The following TPD52 variants were observed in gnomAD, a reference collection of about 807,000 sequenced individuals.
TPD52 encodes prostate and colon associated protein.
Under a neutral mutation model 31.3 loss-of-function variants are expected in TPD52, and 17 were observed. The observed-to-expected ratio is 0.54, with a 90% confidence interval of 0.37 to 0.82. The LOEUF is 0.82. Among genes scored for constraint, TPD52 ranks in the 40% least tolerant of loss-of-function variants. The pLI is 0.00. For missense variants in TPD52, 212 were observed against 240.1 expected, an observed-to-expected ratio of 0.88 and a Z score of 0.77; for synonymous variants, 83 against 89.6, an observed-to-expected ratio of 0.93 and a Z score of 0.42.
intron 1 of TPD52, among the ~76,000 whole-genome samples, chr8:80,128,884 T>A (rs904585192): frequency 2.3e-4 from 35 of 149,298 alleles, no homozygotes; most frequent in African/African-American, 6.6e-4. Flanking sequence ...TACATCTGGG[T>A]TTTTTTTTTC....
At position 80,089,943 on chromosome 8, in the gene TPD52, T is replaced by G. The variant is rs116125509; in HGVS notation, c.20-25350A>C. 5.6e-3 allele frequency among the ~76,000 whole-genome samples: 845 copies of G among 152,138 alleles called. 5 individuals are homozygous for G. The highest frequency in any genetic ancestry group is 0.019 in the African/African-American group (801 of 41,488). On this transcript the variant is annotated intron_variant, in intron 1 of 7. Transcript: ENST00000518937. ...AAGGGAGGAGAGAAACTGGATAAGA[T>G]CAAATGCTAAAGAGACGCAAGAAGA...
intron 1 of TPD52, among the ~76,000 whole-genome samples, chr8:80,086,906 A>AAAATC (rs1815843865): frequency 7.2e-6 from 1 of 139,260 alleles, no homozygotes; most frequent in African/African-American, 2.8e-5. Flanking sequence ...AAAAAAAAAA[A>AAAATC]AAATCAAATT....
At chr8:80,108,302 C>A (rs6989271) in intron 1 of TPD52, among the ~76,000 whole-genome samples, 98,887 of 152,058 alleles carry the variant, frequency 0.65, 33,824 homozygotes, top group African/African-American at 0.87. Context: ...GAAGGAGTGA[C>A]TTAAATATAA....
intron 1 of TPD52, among the ~76,000 whole-genome samples, chr8:80,155,000 T>TG (rs1043863102): frequency 1.4e-4 from 17 of 119,464 alleles, no homozygotes; most frequent in African/African-American, 5.2e-4. Flanking sequence ...TTTGGTTTTT[T>TG]GTTTTTTTTT....
chr8:80,164,078 G>T (rs576178868), intron 1 of TPD52, among the ~76,000 whole-genome samples: 4 of 151,100 alleles, frequency 2.6e-5, no homozygotes, highest in East Asian at 3.9e-4. Context: ...AAGGGGAAAG[G>T]GGGGAGGAGA....
intron 1 of TPD52, among the ~76,000 whole-genome samples, chr8:80,088,594 AG>A (rs1216619716): frequency 6.6e-6 from 1 of 152,100 alleles, no homozygotes; most frequent in Non-Finnish European, 1.5e-5. Flanking sequence ...TGGACTGCCG[AG>A]GGGAGAGGGA....
chr8:80,063,401 G>A (rs1563586239), intron 2 of TPD52, among the ~76,000 whole-genome samples: 2 of 152,252 alleles, frequency 1.3e-5, no homozygotes. Flanking sequence ...AAGGAGGGGA[G>A]TAGTCAGGAT....
chr8:80,053,205 T>G, intron 3 of TPD52, 77 bp downstream of exon 3: 2 of 1,488,696 alleles, frequency 1.3e-6, no homozygotes, highest in Non-Finnish European at 9.0e-7. Context: ...TATCCTCTTT[T>G]TCTTCCCCTC....
intron 1 of TPD52, among the ~76,000 whole-genome samples, chr8:80,122,020 A>T (rs1055253053): frequency 1.1e-5 from 1 of 93,322 alleles, no homozygotes; most frequent in African/African-American, 5.8e-5. Context: ...TACACCTTCA[A>T]AAGAAAAAAA....
At chr8:80,091,627 T>A (rs77670834) in intron 1 of TPD52, among the ~76,000 whole-genome samples, 22,739 of 152,254 alleles carry the variant, frequency 0.15, 1,826 homozygotes, top group South Asian at 0.28. Flanking sequence ...AATAGACAGA[T>A]TTTTTCATTT....
intron 1 of TPD52, among the ~76,000 whole-genome samples, chr8:80,074,279 A>G (rs1814262758): frequency 6.6e-6 from 1 of 152,226 alleles, no homozygotes; most frequent in Non-Finnish European, 1.5e-5. Context: ...AAGAGATTTA[A>G]ACATATAATT....
At chr8:80,095,713 A>T (rs1223233234) in intron 1 of TPD52, among the ~76,000 whole-genome samples, 4 of 152,188 alleles carry the variant, frequency 2.6e-5, no homozygotes, top group Non-Finnish European at 5.9e-5. Flanking sequence ...TGGGAGGCCA[A>T]GGTGGGAGGA....
chr8:80,119,146 G>A (rs1049138050), intron 1 of TPD52, among the ~76,000 whole-genome samples: 7 of 152,276 alleles, frequency 4.6e-5, no homozygotes, highest in East Asian at 3.9e-4. Flanking sequence ...ATCATGTGAC[G>A]TGAAAGAAGC....
chr8:80,085,099 G>A (rs1351934663), intron 1 of TPD52, among the ~76,000 whole-genome samples: 1 of 152,206 alleles, frequency 6.6e-6, no homozygotes, highest in Non-Finnish European at 1.5e-5. Context: ...GTCCATGTTT[G>A]TGTAATAATT....
At chr8:80,105,242 C>T (rs1192733072) in intron 1 of TPD52, among the ~76,000 whole-genome samples, 1 of 151,996 alleles carries the variant, frequency 6.6e-6, no homozygotes, top group Non-Finnish European at 1.5e-5. Flanking sequence ...TTTCTGCCTC[C>T]AAAGAAAGAA....
chr8:80,079,823 T>TA (rs11293416), intron 1 of TPD52, among the ~76,000 whole-genome samples: 23,992 of 150,626 alleles, frequency 0.16, 2,017 homozygotes, highest in South Asian at 0.3. Context: ...AGTTTTTCTT[T>TA]AAAAAAAAAA....
intron 2 of TPD52, among the ~76,000 whole-genome samples, chr8:80,058,572 T>C (rs1338481375): frequency 1.3e-5 from 2 of 151,900 alleles, no homozygotes; most frequent in Non-Finnish European, 2.9e-5. Context: ...CCAAGGCAGG[T>C]GGATCACCTG....
chr8:80,086,610 A>G (rs1815795476), intron 1 of TPD52, among the ~76,000 whole-genome samples: 1 of 152,026 alleles, frequency 6.6e-6, no homozygotes, highest in African/African-American at 2.4e-5. Context: ...TTGGTGGCTC[A>G]CACCTGTAAT....
At position 80,034,827 on chromosome 8, in the gene TPD52, C is replaced by T. The variant is rs1165766756; in HGVS notation, c.*3289G>A. 1 of 152,222 alleles carries T rather than the reference C, an allele frequency of 6.6e-6. No individual in the cohort carries two copies. Among genetic ancestry groups the T allele is most frequent in the South Asian group, 2.1e-4 (1 of 4,808 alleles). 9.4% of individuals were successfully genotyped at this position (152,222 alleles called of 1,614,324 possible). A position where few individuals can be genotyped will look rare whatever the true frequency, so the allele number is the denominator to read the frequency against. On this transcript the variant is annotated 3_prime_UTR_variant, in exon 8 of 8. Transcript: ENST00000518937. Reference sequence around the variant, plus strand: ...AAAATTAATAAAATAAACTACCAACCAACCTCAGTAACATCAAAATTACAT... The same window carrying T: ...AAAATTAATAAAATAAACTACCAACTAACCTCAGTAACATCAAAATTACAT...
Sources: allele counts gnomAD v4.1 joint callset (sites outside exome capture counted in the v4.1 genomes callset), GRCh38; gene constraint gnomAD v4.1.1; transcripts MANE v1.5; gene names NCBI Gene and HGNC (gene_info 2026-07-23, HGNC 2026-07-21).